Variants in CTNNA3 observed in about 807,000 individuals in gnomAD.
CTNNA3 encodes catenin alpha-3.
A neutral mutation model predicts 95.7 loss-of-function variants in CTNNA3; 76 were observed. The observed-to-expected ratio is 0.79, with a 90% confidence interval of 0.66 to 0.96. The LOEUF (loss-of-function observed/expected upper bound fraction) is 0.96. Ranked by LOEUF, CTNNA3 falls within the 40% of genes least tolerant of loss-of-function variation. CTNNA3 has a pLI of 0.00. For missense variants in CTNNA3, 1,191 were observed against 1,089.8 expected, an observed-to-expected ratio of 1.09 and a Z score of -1.31; for synonymous variants, 431 against 374.4, an observed-to-expected ratio of 1.15 and a Z score of -1.74.
chr10:67,274,408 C>A (rs183752184), intron 5 of CTNNA3, among the ~76,000 whole-genome samples: 70 of 152,252 alleles, frequency 4.6e-4, no homozygotes, highest in East Asian at 1.5e-3. Context: ...AATTACAATT[C>A]TTGATTTCCA....
chr10:66,287,351 CT>C (rs2091605933), intron 12 of CTNNA3, among the ~76,000 whole-genome samples: 2 of 152,188 alleles, frequency 1.3e-5, no homozygotes, highest in Admixed American at 1.3e-4. Context: ...TATGTGTTTT[CT>C]TGTACTCAGC....
chr10:66,928,318 T>A, intron 7 of CTNNA3: 5 of 1,614,012 alleles, frequency 3.1e-6, no homozygotes, highest in Non-Finnish European at 4.2e-6. Context: ...GAAAAGACAG[T>A]CCCTAAAGCA....
intron 7 of CTNNA3, among the ~76,000 whole-genome samples, chr10:67,152,523 G>A (rs10997534): frequency 0.63 from 96,215 of 152,060 alleles, 31,644 homozygotes; most frequent in African/African-American, 0.82. Context: ...TATAAAGATG[G>A]TGACTTATGA....
chr10:66,332,106 A>T (rs2092337740), intron 12 of CTNNA3, among the ~76,000 whole-genome samples: 1 of 152,010 alleles, frequency 6.6e-6, no homozygotes, highest in Non-Finnish European at 1.5e-5. Flanking sequence ...GTATCCTGAG[A>T]CTTTGCTGAA....
intron 10 of CTNNA3, among the ~76,000 whole-genome samples, chr10:66,612,134 T>C (rs1441309287): frequency 5.3e-5 from 8 of 152,182 alleles, no homozygotes; most frequent in African/African-American, 1.9e-4. Flanking sequence ...TTCACCTCCA[T>C]CATCACAATC....
At chr10:66,025,430 T>C (rs10996835) in intron 15 of CTNNA3, among the ~76,000 whole-genome samples, 5,910 of 152,210 alleles carry the variant, frequency 0.039, 383 homozygotes, top group African/African-American at 0.13. Context: ...CAAACACCCA[T>C]GGGTCAAGTC....
chr10:66,522,552 C>T (rs987352319), intron 10 of CTNNA3, among the ~76,000 whole-genome samples: 19 of 151,828 alleles, frequency 1.3e-4, no homozygotes, highest in Admixed American at 5.3e-4. Context: ...CCTGCCGCTA[C>T]GTAAAGAAGG....
chr10:67,416,361 AC>A (rs67810283), intron 5 of CTNNA3, among the ~76,000 whole-genome samples: 152,096 of 152,096 alleles, frequency 1, 76,048 homozygotes, highest in Non-Finnish European at 1. Context: ...TAATCCCAGC[AC>A]CTTTGGGAGG....
At chr10:66,362,183 A>G (rs988758350) in intron 12 of CTNNA3, among the ~76,000 whole-genome samples, 10 of 143,948 alleles carry the variant, frequency 6.9e-5, no homozygotes, top group Non-Finnish European at 1.3e-4. Context: ...GCTCACAGCA[A>G]CCTCCGCCTT....
intron 7 of CTNNA3, among the ~76,000 whole-genome samples, chr10:67,074,342 C>CT (rs36186252): frequency 0.021 from 1,414 of 68,742 alleles, 172 homozygotes; most frequent in African/African-American, 0.034. Context: ...CACTTTAACT[C>CT]TTTTTTTTTT....
At chr10:67,739,711 T>C (rs566943072) in intron 1 of CTNNA3, among the ~76,000 whole-genome samples, 176 of 152,142 alleles carry the variant, frequency 1.2e-3, no homozygotes, top group African/African-American at 4.1e-3. Context: ...AGAATCAATA[T>C]CGTGAAAATG....
chr10:66,381,328 TCTCTACAACAAAACCAA>T (rs1451999445), intron 11 of CTNNA3, among the ~76,000 whole-genome samples: 18 of 152,284 alleles, frequency 1.2e-4, no homozygotes, highest in African/African-American at 4.3e-4. Context: ...ACCTCCTCAT[TCTCTACAACAAAACCAA>T]CTTTGTTCCA....
chr10:66,334,330 C>G (rs2132331785), intron 12 of CTNNA3, among the ~76,000 whole-genome samples: 1 of 152,008 alleles, frequency 6.6e-6, no homozygotes, highest in African/African-American at 2.4e-5. Flanking sequence ...CCTCGATAGT[C>G]TTTACAATTT....
chr10:66,274,638 T>C (rs1181117300), intron 13 of CTNNA3, among the ~76,000 whole-genome samples: 1 of 152,160 alleles, frequency 6.6e-6, no homozygotes, highest in Non-Finnish European at 1.5e-5. Flanking sequence ...TTTTCTGAGG[T>C]GTTGGCTATG....
chr10:66,275,997 T>G (rs10733819), intron 13 of CTNNA3, among the ~76,000 whole-genome samples: 71,393 of 151,998 alleles, frequency 0.47, 18,254 homozygotes, highest in African/African-American at 0.69. Context: ...AGCTGATATT[T>G]TATATTGGAC....
At chr10:66,546,360 G>C (rs1048340300) in intron 10 of CTNNA3, among the ~76,000 whole-genome samples, 2 of 152,072 alleles carry the variant, frequency 1.3e-5, no homozygotes, top group Admixed American at 1.3e-4. Flanking sequence ...CACTTTTGTA[G>C]CATCAAATCA....
At chr10:66,841,930 C>T (rs1371260416) in intron 7 of CTNNA3, among the ~76,000 whole-genome samples, 2 of 151,940 alleles carry the variant, frequency 1.3e-5, no homozygotes, top group East Asian at 3.9e-4. Flanking sequence ...AAAGAATTTC[C>T]CATGTGCTAC....
chr10:66,127,815 G>T (rs147710434), intron 13 of CTNNA3, among the ~76,000 whole-genome samples: 1 of 152,126 alleles, frequency 6.6e-6, no homozygotes, highest in South Asian at 2.1e-4. Flanking sequence ...GAACTGTTTT[G>T]CCTGTAATTC....
intron 7 of CTNNA3, among the ~76,000 whole-genome samples, chr10:67,042,219 T>G (rs1018588049): frequency 2.0e-5 from 3 of 152,086 alleles, no homozygotes; most frequent in Admixed American, 2.0e-4. Flanking sequence ...GTAATTTCAA[T>G]AGTGCAGGGG....
Sources: gnomAD v4.1 joint callset for allele counts (sites outside exome capture counted in the v4.1 genomes callset) on GRCh38, gnomAD v4.1.1 for gene constraint, MANE v1.5 for transcripts, NCBI Gene and HGNC (gene_info 2026-07-23, HGNC 2026-07-21) for gene names.